Variants in CNTNAP2 observed in about 807,000 individuals in gnomAD.
The protein encoded by CNTNAP2 is contactin associated protein 2, also known as contactin-associated protein-like 2.
CNTNAP2 carries 98 observed loss-of-function variants against 155.2 expected under a neutral mutation model. The observed-to-expected ratio is 0.63, with a 90% CI of 0.54 to 0.75. The LOEUF (loss-of-function observed/expected upper bound fraction) is 0.75, where lower values mean the gene tolerates loss of function less well. CNTNAP2 is among the 30% of genes least tolerant of loss of function. The pLI, the probability that CNTNAP2 is intolerant of heterozygous loss-of-function variation, is 0.00. For synonymous variants in CNTNAP2, 651 were observed against 631.2 expected (o/e 1.03, Z -0.47); for missense variants, 1,727 against 1,688.1 (o/e 1.02, Z -0.40).
At chr7:147,780,237 A>G (rs1797643304) in intron 13 of CNTNAP2, among the ~76,000 whole-genome samples, 1 of 152,164 alleles carries the variant, frequency 6.6e-6, no homozygotes, top group Admixed American at 6.5e-5. Context: ...CTAGTTTGAT[A>G]TTGGTCCTCA....
intron 4 of CNTNAP2, among the ~76,000 whole-genome samples, chr7:147,061,988 C>A (rs866730143): frequency 6.6e-6 from 1 of 151,314 alleles, no homozygotes; most frequent in Non-Finnish European, 1.5e-5. Flanking sequence ...TTTAGCCAGG[C>A]GTGGTGGCGG....
intron 2 of CNTNAP2, among the ~76,000 whole-genome samples, chr7:146,802,773 C>T (rs1188223336): frequency 3.3e-5 from 5 of 152,084 alleles, no homozygotes; most frequent in Non-Finnish European, 5.9e-5. Flanking sequence ...AGTTTGTTTA[C>T]AGGAGATTGA....
intron 1 of CNTNAP2, among the ~76,000 whole-genome samples, chr7:146,524,058 T>A (rs533092340): frequency 7.9e-5 from 12 of 152,134 alleles, no homozygotes; most frequent in Non-Finnish European, 1.5e-4. Context: ...TCCCAGGGCA[T>A]ACTATTAAAC....
chr7:147,619,885 C>T (rs769383253), intron 12 of CNTNAP2, among the ~76,000 whole-genome samples: 3 of 152,184 alleles, frequency 2.0e-5, no homozygotes, highest in Non-Finnish European at 4.4e-5. Flanking sequence ...ACACCCAGTC[C>T]TGTGCTGGCT....
At chr7:147,384,919 G>A (rs1210757393) in intron 9 of CNTNAP2, among the ~76,000 whole-genome samples, 1 of 152,174 alleles carries the variant, frequency 6.6e-6, no homozygotes, top group East Asian at 1.9e-4. Context: ...TGCTGATAAA[G>A]ACATATTCAT....
intron 13 of CNTNAP2, among the ~76,000 whole-genome samples, chr7:147,867,075 A>G (rs1295035197): frequency 2.0e-5 from 3 of 152,112 alleles, no homozygotes; most frequent in Non-Finnish European, 4.4e-5. Flanking sequence ...ATGTTTTTGT[A>G]GTGGATGATA....
intron 1 of CNTNAP2, among the ~76,000 whole-genome samples, chr7:146,381,295 G>A (rs1385244679): frequency 1.3e-5 from 2 of 152,098 alleles, no homozygotes; most frequent in Non-Finnish European, 2.9e-5. Context: ...ACAAATTTGA[G>A]AACAAATCTA....
intron 11 of CNTNAP2, among the ~76,000 whole-genome samples, chr7:147,551,021 C>T (rs1446681568): frequency 2.6e-5 from 4 of 152,090 alleles, no homozygotes; most frequent in South Asian, 2.1e-4. Flanking sequence ...CTTGCATACA[C>T]CAGGCACTGT....
At chr7:146,711,980 CTATA>C (rs1270089405) in intron 1 of CNTNAP2, among the ~76,000 whole-genome samples, 10 of 25,030 alleles carry the variant, frequency 4.0e-4, no homozygotes, top group Admixed American at 3.8e-3. Context: ...CTTATGTATA[CTATA>C]TAGTATACAC....
At chr7:146,536,550 A>G (rs1797871456) in intron 1 of CNTNAP2, among the ~76,000 whole-genome samples, 1 of 151,996 alleles carries the variant, frequency 6.6e-6, no homozygotes, top group Non-Finnish European at 1.5e-5. Flanking sequence ...AGAAAAGCAG[A>G]GTACTGACTG....
At chr7:146,799,254 G>A (rs538996302) in intron 2 of CNTNAP2, among the ~76,000 whole-genome samples, 169 of 152,160 alleles carry the variant, frequency 1.1e-3, no homozygotes, top group African/African-American at 3.8e-3. Flanking sequence ...GACTAAAAAT[G>A]AGTTTCCATA....
chr7:147,419,065 C>T (rs1797245510), intron 10 of CNTNAP2, among the ~76,000 whole-genome samples: 1 of 152,088 alleles, frequency 6.6e-6, no homozygotes, highest in Non-Finnish European at 1.5e-5. Flanking sequence ...GAAAGATTTC[C>T]AATGCCAAAA....
chr7:146,764,846 T>G (rs1462306034), intron 1 of CNTNAP2, among the ~76,000 whole-genome samples: 1 of 152,160 alleles, frequency 6.6e-6, no homozygotes, highest in Non-Finnish European at 1.5e-5. Context: ...AACTAATTTT[T>G]AAGATTAAAA....
At chr7:148,121,451 C>T (rs906266176) in intron 16 of CNTNAP2, among the ~76,000 whole-genome samples, 1 of 152,190 alleles carries the variant, frequency 6.6e-6, no homozygotes, top group Non-Finnish European at 1.5e-5. Flanking sequence ...TAATTGTTTT[C>T]ACAACAGTGG....
intron 4 of CNTNAP2, among the ~76,000 whole-genome samples, chr7:147,104,004 T>C (rs1800704995): frequency 6.6e-6 from 1 of 152,026 alleles, no homozygotes; most frequent in Non-Finnish European, 1.5e-5. Flanking sequence ...CTGGATTGAA[T>C]CCTAGAACAG....
intron 21 of CNTNAP2, among the ~76,000 whole-genome samples, chr7:148,379,495 G>GTTGT (rs1048047540): frequency 7.2e-5 from 11 of 152,004 alleles, no homozygotes; most frequent in African/African-American, 2.7e-4. Context: ...CTTGAGCCTA[G>GTTGT]TTGTTTGGGA....
intron 22 of CNTNAP2, 105 bp from the exon 23 acceptor site, chr7:148,409,286 G>A: frequency 1.1e-6 from 1 of 899,540 alleles, no homozygotes; most frequent in Non-Finnish European, 1.8e-6. Flanking sequence ...GATTTCATTT[G>A]GGAAAACAGG....
intron 13 of CNTNAP2, among the ~76,000 whole-genome samples, chr7:147,670,959 A>G (rs1308059999): frequency 6.6e-6 from 1 of 152,138 alleles, no homozygotes; most frequent in Non-Finnish European, 1.5e-5. Flanking sequence ...CTCCCTCTGG[A>G]GCTTCAGGGG....
intron 3 of CNTNAP2, among the ~76,000 whole-genome samples, chr7:146,872,101 G>T (rs957953776): frequency 6.0e-5 from 9 of 149,310 alleles, no homozygotes; most frequent in African/African-American, 2.2e-4. Context: ...TCAATAGAAA[G>T]AAAAAGAGTT....
Sources: allele counts gnomAD v4.1 joint callset (sites outside exome capture counted in the v4.1 genomes callset), GRCh38; gene constraint gnomAD v4.1.1; transcripts MANE v1.5; gene names NCBI Gene and HGNC (gene_info 2026-07-23, HGNC 2026-07-21).